Variants in KRT1 observed in about 807,000 individuals in gnomAD.
KRT1 encodes keratin, type II cytoskeletal 1.
KRT1 carries 28 observed loss-of-function variants against 51.6 expected under a neutral mutation model. The observed-to-expected ratio is 0.54, with a 90% CI of 0.40 to 0.74. The LOEUF is 0.74. Ranked by LOEUF, KRT1 falls within the 30% of genes least tolerant of loss-of-function variation. The pLI is 0.00. For missense variants in KRT1, 783 were observed against 815.5 expected, an observed-to-expected ratio of 0.96 and a Z score of 0.49; for synonymous variants, 301 against 307.7, an observed-to-expected ratio of 0.98 and a Z score of 0.23.
Position 52,677,253 on chromosome 12 carries a change from G to A in KRT1, c.1128+63C>T, listed in dbSNP as rs1229683384. On this transcript the variant is annotated intron_variant, in intron 5 of 8. Coordinates refer to ENST00000252244, the MANE Select transcript of KRT1 (RefSeq NM_006121.4). ...GCATGGCACAGGCACACATACATGA[G>A]ATAACACAGGATAGCAAGACAAGCC... is the stretch of plus-strand genomic sequence containing the variant. The A allele has an allele frequency of 5.0e-6, 8 of 1,614,016 alleles. No individual in the cohort carries two copies. The Admixed American group carries it at 1.0e-4, about 20-fold the overall frequency.
rs754908204 is a variant in KRT1, at chr12:52,675,424, A to AGAGCCATAGCTGCCACCTCCG, written c.1683_1703dup (p.Ser565_Gly571dup). On this transcript the variant is annotated inframe_insertion, in exon 9 of 9. Coordinates refer to ENST00000252244, the MANE Select transcript of KRT1 (RefSeq NM_006121.4). The stretch of plus-strand genomic sequence containing the variant: ...TGCCATGGCCGCCGCCGCCACCTCC[A>AGAGCCATAGCTGCCACCTCCG]GAGCCATAGCTGCCACCTCCGGAGC... The AGAGCCATAGCTGCCACCTCCG allele has an allele frequency of 6.6e-7, 1 of 1,504,900 alleles. No individual in the cohort carries two copies. The allele number at this position is 1,504,900 out of a possible 1,614,324, so 93.2% of individuals were successfully genotyped here.
Position 52,678,768 on chromosome 12 carries a change from A to G in KRT1, c.592-12T>C. 1 of 1,612,032 alleles carries G rather than the reference A, an allele frequency of 6.2e-7. No individual in the cohort carries two copies. The highest frequency in any genetic ancestry group is 8.5e-7 in the Non-Finnish European group (1 of 1,179,068). ...TCCAGGAACCTCACCTAAAAACACA[A>G]GACCCCTTTACTCCTGATGCATAAA... On this transcript the variant is annotated splice_polypyrimidine_tract_variant and intron_variant, in intron 1 of 8. Transcript: ENST00000252244.
chr12:52,675,652 C>T, intron 8 of KRT1, 35 bp from the exon 9 acceptor site: 2 of 1,614,234 alleles, frequency 1.2e-6, no homozygotes, highest in Non-Finnish European at 1.7e-6. Context: ...TCAACCTCAA[C>T]TCCGTTTCCA....
Position 52,676,381 on chromosome 12 carries a change from C to T in KRT1, c.1369G>A (p.Asp457Asn). The change falls in exon 7 of 9, where the codon GAC (aspartate) becomes AAC (asparagine). Residue 457 changes from aspartate to asparagine, a missense_variant. By Grantham distance (23) the Asp-to-Asn change is conservative (BLOSUM62 1). Coordinates refer to ENST00000252244, the MANE Select transcript of KRT1 (RefSeq NM_006121.4). The stretch of plus-strand genomic sequence containing the variant: ...TAGTCGCGCAGCAGGCGGGCCAGGT[C>T]TTCCTTGGCCTGCTGCAGGGCATCC... ...LEDALQQAKE[D>N]LARLLRDYQE... 6.2e-7 allele frequency: 1 copy of T among 1,614,212 alleles called. No homozygotes were observed. Among genetic ancestry groups the T allele is most frequent in the Non-Finnish European group, 8.5e-7 (1 of 1,180,022 alleles).
In KRT1 at chr12:52,675,569, C is replaced by A. The variant is rs1265289814; in HGVS notation, c.1559G>T (p.Gly520Val). The change falls in exon 9 of 9, where the codon GGT becomes GTT. Residue 520 changes from glycine to valine, a missense_variant. Coordinates refer to ENST00000252244, the MANE Select transcript of KRT1 (RefSeq NM_006121.4). ...TTISGGGSRG[G>V]GGGGYGSGGS... is the part of the protein sequence containing the mutation. Reference sequence around the variant, plus strand: ...TCCAGAGCCGTAGCCACCGCCGCCACCTCCTCGGCTGCCACCTCCACTGAT... The same window carrying A: ...TCCAGAGCCGTAGCCACCGCCGCCAACTCCTCGGCTGCCACCTCCACTGAT... 4 of 1,614,028 alleles carry A rather than the reference C, an allele frequency of 2.5e-6. No homozygotes were observed. Among genetic ancestry groups the A allele is most frequent in the Admixed American group, 1.7e-5 (1 of 60,004 alleles).
chr12:52,678,544 G>T lies in KRT1; in HGVS notation c.804C>A (p.Asn268Lys). ...NMQDMVEDYR[N>K]KYEDEINKRT... ...ACTGCCCAGACAGGGTCCCTTACTT[G>T]TTCCGGTAATCCTCCACCATGTCCT... The change falls in exon 2 of 9, where the codon AAC becomes AAA. Residue 268 changes from asparagine (N) to lysine (K), a missense_variant and splice_region_variant. Transcript: ENST00000252244. 1.2e-6 allele frequency: 2 copies of T among 1,614,138 alleles called. No individual in the cohort carries two copies. The highest frequency in any genetic ancestry group is 1.7e-6 in the Non-Finnish European group (2 of 1,179,976).
At position 52,676,347 on chromosome 12, in the gene KRT1, A is replaced by G; in HGVS notation, c.1403T>C (p.Leu468Pro). 6.2e-7 allele frequency: 1 copy of G among 1,614,100 alleles called. No homozygotes were observed. Residue 468 changes from leucine to proline, a missense_variant, in exon 7 of 9, where the codon CTG (leucine) becomes CCG (proline). By Grantham distance (98) the Leu-to-Pro change is moderately conservative. Coordinates refer to ENST00000252244, the MANE Select transcript of KRT1 (RefSeq NM_006121.4). ...ATCCAGGGCCAGCTTTGTGTTCATC[A>G]GCTCCTGGTAGTCGCGCAGCAGGCG... ...LARLLRDYQE[L>P]MNTKLALDLE...
intron 6 of KRT1, among the ~76,000 whole-genome samples, chr12:52,676,805 A>G (rs1941512950): frequency 6.6e-6 from 1 of 152,066 alleles, no homozygotes; most frequent in Non-Finnish European, 1.5e-5. Context: ...TCTTAAGTCC[A>G]CTTTGGGTCA....
Position 52,674,901 on chromosome 12 carries a change from G to A in KRT1, c.*292C>T, listed in dbSNP as rs1941477352. ...CCTGGGTCTAACTGGTCCTACTCTGGCTGGCTTAAGGAGGTGCTTTGAAAT... is the reference window on the plus strand; with the variant it reads ...CCTGGGTCTAACTGGTCCTACTCTGACTGGCTTAAGGAGGTGCTTTGAAAT... On this transcript the variant is annotated 3_prime_UTR_variant, in exon 9 of 9. Coordinates refer to ENST00000252244, the MANE Select transcript of KRT1 (RefSeq NM_006121.4). 3.6e-6 allele frequency: 2 copies of A among 553,520 alleles called. No individual in the cohort carries two copies. The highest frequency in any genetic ancestry group is 3.0e-5 in the Admixed American group (1 of 33,048). 34.3% of individuals were successfully genotyped at this position (553,520 alleles called of 1,614,324 possible).
At position 52,675,279 on chromosome 12, in the gene KRT1, C is replaced by A; in HGVS notation, c.1849G>T (p.Gly617Ter). 2.5e-6 allele frequency: 4 copies of A among 1,613,826 alleles called. No homozygotes were observed. Among genetic ancestry groups the A allele is most frequent in the Non-Finnish European group, 3.4e-6 (4 of 1,180,002 alleles). ...GSSGGSIGGR[G>*]SSSGGVKSSG... ...GACTTGACACCCCCAGAGCTGGATC[C>A]CCGGCCTCCTATGGAGCCTCCAGAG... The change falls in exon 9 of 9, where the codon GGA becomes TGA. Residue 617 changes from glycine to a stop codon, truncating the protein, a stop_gained. Coordinates refer to ENST00000252244, the MANE Select transcript of KRT1 (RefSeq NM_006121.4). LOFTEE classifies it low-confidence loss of function (END_TRUNC).
chr12:52,678,153 A>G lies in KRT1; in HGVS notation c.867+10T>C, dbSNP rs746219285. 6.2e-7 allele frequency: 1 copy of G among 1,613,762 alleles called. No individual in the cohort carries two copies. Among genetic ancestry groups the G allele is most frequent in the South Asian group, 1.1e-5 (1 of 91,056 alleles). On this transcript the variant is annotated intron_variant, in intron 3 of 8. Transcript: ENST00000252244. The stretch of plus-strand genomic sequence containing the variant: ...TCAAATGTGAGTTCCGTCCTACAGA[A>G]TTTGCTTACCTTCTTGATGGTCACA...
Position 52,675,139 on chromosome 12 carries a change from A to G in KRT1, c.*54T>C. The G allele has an allele frequency of 1.2e-6, 2 of 1,605,598 alleles. No individual in the cohort carries two copies. The highest frequency in any genetic ancestry group is 2.2e-4 in the Middle Eastern group (1 of 4,588). On this transcript the variant is annotated 3_prime_UTR_variant, in exon 9 of 9. Transcript: ENST00000252244. ...AATCGACCTCGGTCTTGCCAAGCAT[A>G]TTTGTTAGTGATGCTGGGGGAGAAC... is the stretch of plus-strand genomic sequence containing the variant.
In KRT1 at chr12:52,675,361, A is replaced by C; in HGVS notation, c.1767T>G (p.Gly589=). Reference sequence around the variant, plus strand: ...TGCCGCCGCCGCCGCCTCCAGAGCCACCTCTGTAGCCCCCACTGCTGCTTC... The same window carrying C: ...TGCCGCCGCCGCCGCCTCCAGAGCCCCCTCTGTAGCCCCCACTGCTGCTTC... ...GSGSSSGGYR[G]GSGGGGGGSS... Residue 589 remains glycine, a synonymous_variant, in exon 9 of 9, where the codon GGT becomes GGG. Transcript: ENST00000252244. The C allele has an allele frequency of 6.2e-7, 1 of 1,609,142 alleles. No homozygotes were observed. The highest frequency in any genetic ancestry group is 8.5e-7 in the Non-Finnish European group (1 of 1,178,904).
At chr12:52,678,431 C>G (rs536080768) in intron 2 of KRT1, 111 bp downstream of exon 2, 1 of 1,160,912 alleles carries the variant, frequency 8.6e-7, no homozygotes, top group East Asian at 2.3e-5. Context: ...AACTGATGTG[C>G]CTCTAACCTA....
In KRT1 at chr12:52,680,142, G is replaced by A. The variant is rs1941564984; in HGVS notation, c.207C>T (p.Asn69=). 3 of 1,591,140 alleles carry A rather than the reference G, an allele frequency of 1.9e-6. No individual in the cohort carries two copies. Among genetic ancestry groups the A allele is most frequent in the South Asian group, 1.1e-5 (1 of 88,602 alleles). Residue 69 remains asparagine (N), a synonymous_variant, in exon 1 of 9, where the codon AAC becomes AAT. Coordinates refer to ENST00000252244, the MANE Select transcript of KRT1 (RefSeq NM_006121.4). ...GGGFGSRSLV[N]LGGSKSISIS... is the part of the protein sequence containing the mutation. ...TGGAGATGCTTTTACTGCCACCAAG[G>A]TTAACAAGACTCCGACTTCCAAATC...
In KRT1 at chr12:52,675,431, T is replaced by G; in HGVS notation, c.1697A>C (p.Tyr566Ser). The change falls in exon 9 of 9, where the codon TAT (tyrosine) becomes TCT (serine). Residue 566 changes from tyrosine (Y) to serine (S), a missense_variant. Transcript: ENST00000252244. ...GCCGCCGCCGCCACCTCCAGAGCCA[T>G]AGCTGCCACCTCCGGAGCCGTAGCT... is the stretch of plus-strand genomic sequence containing the variant. Reference protein sequence around the residue: ...GSSYGSGGGSYGSGGGGGGHG... With the variant: ...GSSYGSGGGSSGSGGGGGGHG... 1 of 1,451,608 alleles carries G rather than the reference T, an allele frequency of 6.9e-7. No individual in the cohort carries two copies. The highest frequency in any genetic ancestry group is 9.2e-7 in the Non-Finnish European group (1 of 1,082,160). The allele number at this position is 1,451,608 out of a possible 1,614,324, so 89.9% of individuals were successfully genotyped here.
chr12:52,680,324 A>G lies in KRT1; in HGVS notation c.25T>C (p.Ser9Pro), dbSNP rs1469267818. The change falls in exon 1 of 9, where the codon TCT (serine) becomes CCT (proline). Residue 9 changes from serine to proline, a missense_variant. Physicochemically the swap from Ser to Pro is moderately conservative, Grantham distance 74 (BLOSUM62 -1). Coordinates refer to ENST00000252244, the MANE Select transcript of KRT1 (RefSeq NM_006121.4). ...AAGCCCCCTCCACTTCGGTACCCAG[A>G]CCTGGAACTAAACTGTCGACTCATG... MSRQFSSR[S>P]GYRSGGGFSS... 6.2e-7 allele frequency: 1 copy of G among 1,614,128 alleles called. No individual in the cohort carries two copies. Among genetic ancestry groups the G allele is most frequent in the African/African-American group, 1.3e-5 (1 of 75,020 alleles).
intron 5 of KRT1, 47 bp from the exon 6 acceptor site, chr12:52,677,231 T>G (rs200685656): frequency 6.2e-7 from 1 of 1,614,212 alleles, no homozygotes; most frequent in Non-Finnish European, 8.5e-7. Flanking sequence ...GAACTCAGCA[T>G]GGCACAGGCA....
At position 52,677,331 on chromosome 12, in the gene KRT1, G is replaced by T; in HGVS notation, c.1113C>A (p.Ser371=). Residue 371 remains serine, a synonymous_variant, in exon 5 of 9, where the codon TCC becomes TCA. Coordinates refer to ENST00000252244, the MANE Select transcript of KRT1 (RefSeq NM_006121.4). ...GCCCACTCACCTTGCTCTGGTACAA[G>T]GACTCGGCCTCAGCTTTGCTCTTCT... ...IAQKSKAEAE[S]LYQSKYEELQ... The T allele has an allele frequency of 6.2e-7, 1 of 1,614,234 alleles. No homozygotes were observed. The highest frequency in any genetic ancestry group is 8.5e-7 in the Non-Finnish European group (1 of 1,180,040).
Sources: allele counts gnomAD v4.1 joint callset (sites outside exome capture counted in the v4.1 genomes callset), GRCh38; gene constraint gnomAD v4.1.1; transcripts MANE v1.5; gene names NCBI Gene and HGNC (gene_info 2026-07-23, HGNC 2026-07-21).